LUZP2: variants seen among roughly 807,000 people sequenced by gnomAD.
LUZP2 encodes the protein leucine zipper protein 2.
LUZP2 carries 52 observed loss-of-function variants against 51.6 expected under a neutral mutation model. That is an observed-to-expected ratio of 1.01 (90% CI 0.81 to 1.27). The LOEUF is 1.27. LUZP2 is among the 50% of genes most tolerant of loss of function. The probability of loss-of-function intolerance (pLI) is 0.00; values close to 1 mark genes in which losing one functional copy is unlikely to be tolerated. For synonymous variants in LUZP2, 154 were observed against 137.3 expected (o/e 1.12, Z -0.85); for missense variants, 436 against 395.4 (o/e 1.10, Z -0.87).
intron 1 of LUZP2, among the ~76,000 whole-genome samples, chr11:24,686,224 A>AAG (rs1491460168): frequency 1.0e-4 from 1 of 9,808 alleles, no homozygotes; most frequent in Non-Finnish European, 2.1e-4. Context: ...TGAACTCTGC[A>AAG]AAAAAAAAAA....
intron 7 of LUZP2, among the ~76,000 whole-genome samples, chr11:24,936,667 G>GTT (rs1405342755): frequency 6.6e-6 from 1 of 151,772 alleles, no homozygotes; most frequent in Non-Finnish European, 1.5e-5. Flanking sequence ...AAAGTAATGT[G>GTT]TGTTTTTCCC....
At chr11:24,963,785 A>G (rs537921942) in intron 7 of LUZP2, among the ~76,000 whole-genome samples, 51 of 152,146 alleles carry the variant, frequency 3.4e-4, no homozygotes, top group Middle Eastern at 3.4e-3. Flanking sequence ...ACCTGCGCCC[A>G]CTGTCTGGCA....
At chr11:24,818,096 AAAC>A (rs904047229) in intron 5 of LUZP2, among the ~76,000 whole-genome samples, 4 of 152,016 alleles carry the variant, frequency 2.6e-5, no homozygotes, top group Non-Finnish European at 5.9e-5. Context: ...ATTTTTTTAA[AAAC>A]AACTTTGGTG....
intron 5 of LUZP2, among the ~76,000 whole-genome samples, chr11:24,885,966 T>A (rs905766583): frequency 1.4e-4 from 22 of 152,120 alleles, no homozygotes; most frequent in Non-Finnish European, 5.9e-5. Flanking sequence ...TGCAACCACT[T>A]TAAAATTTAA....
rs541159644 is a variant in LUZP2, at chr11:24,969,930, A to G, written c.523-6661A>G. On this transcript the variant is annotated intron_variant, in intron 7 of 11. Transcript: ENST00000336930. ...CACATGCGCGCGCACACACACACGC[A>G]TACACTTTCTCTTTCTTGAGGAATT... is the stretch of plus-strand genomic sequence containing the variant. Among the ~76,000 whole-genome samples the G allele has an allele frequency of 2.0e-3, 308 of 152,256 alleles. 2 individuals carry two copies. Among genetic ancestry groups the G allele is most frequent in the South Asian group, 7.5e-3 (36 of 4,830 alleles).
chr11:24,990,726 T>C (rs1211853213), intron 9 of LUZP2, among the ~76,000 whole-genome samples: 1 of 152,028 alleles, frequency 6.6e-6, no homozygotes, highest in Non-Finnish European at 1.5e-5. Context: ...TTTAAAAGAC[T>C]CATTCGAGTT....
At chr11:24,966,877 T>A (rs1264611265) in intron 7 of LUZP2, among the ~76,000 whole-genome samples, 1 of 147,714 alleles carries the variant, frequency 6.8e-6, no homozygotes. Context: ...TGTGTGCATG[T>A]GTAAAGTATG....
intron 1 of LUZP2, among the ~76,000 whole-genome samples, chr11:24,728,134 T>A (rs1200202068): frequency 6.6e-6 from 1 of 152,022 alleles, no homozygotes; most frequent in African/African-American, 2.4e-5. Flanking sequence ...TTGAGCCGTT[T>A]TCCCACAATT....
In LUZP2 at chr11:24,689,385, G is replaced by T. The variant is rs148457399; in HGVS notation, c.63-39784G>T. Among the ~76,000 whole-genome samples, 13 of 152,210 alleles carry T rather than the reference G, an allele frequency of 8.5e-5. No homozygotes were observed. The East Asian group carries it at 1.9e-3, about 23-fold the overall frequency. On this transcript the variant is annotated intron_variant, in intron 1 of 11. Transcript: ENST00000336930. ...TACCAATTGAGCATTCTCAGAGAAGGGTCCTATACCCATTAAACTCTGTTA... is the reference window on the plus strand; with the variant it reads ...TACCAATTGAGCATTCTCAGAGAAGTGTCCTATACCCATTAAACTCTGTTA...
chr11:24,773,492 A>G (rs1376290546), intron 5 of LUZP2, among the ~76,000 whole-genome samples: 1 of 152,222 alleles, frequency 6.6e-6, no homozygotes, highest in African/African-American at 2.4e-5. Flanking sequence ...CTAGCTGGAA[A>G]AATAATCATA....
At chr11:25,024,402 C>T (rs368921123) in intron 9 of LUZP2, among the ~76,000 whole-genome samples, 2 of 151,654 alleles carry the variant, frequency 1.3e-5, no homozygotes, top group Admixed American at 6.6e-5. Context: ...AAAACCCCAT[C>T]GTCTCAGCCC....
intron 1 of LUZP2, among the ~76,000 whole-genome samples, chr11:24,659,849 G>T (rs895723959): frequency 2.6e-5 from 4 of 152,100 alleles, no homozygotes; most frequent in Non-Finnish European, 4.4e-5. Flanking sequence ...TGTTCTCCTT[G>T]AATATGAGCA....
rs1438242622 is a variant in LUZP2 at position 24,914,553 on chromosome 11, TCTCTTTTCC to T, written c.522+18_522+26del. The stretch of plus-strand genomic sequence containing the variant: ...TATTATTTAAGGTGAGTCTCTTTTC[TCTCTTTTCC>T]CTGAAACTTGCTAGCTCAATACCTA... On this transcript the variant is annotated intron_variant, in intron 7 of 11. Coordinates refer to ENST00000336930, the MANE Select transcript of LUZP2 (RefSeq NM_001009909.4). The T allele has an allele frequency of 6.4e-7, 1 of 1,570,314 alleles. No homozygotes were observed. Among genetic ancestry groups the T allele is most frequent in the Non-Finnish European group, 8.7e-7 (1 of 1,153,702 alleles).
At chr11:24,769,693 AT>A (rs763755994) in intron 5 of LUZP2, among the ~76,000 whole-genome samples, 180 of 105,672 alleles carry the variant, frequency 1.7e-3, no homozygotes, top group African/African-American at 2.4e-3. Context: ...ATGGTGGTCT[AT>A]TTTTTTTTTT....
At chr11:25,011,775 T>C (rs1856991822) in intron 9 of LUZP2, among the ~76,000 whole-genome samples, 1 of 152,108 alleles carries the variant, frequency 6.6e-6, no homozygotes, top group South Asian at 2.1e-4. Flanking sequence ...GATTGTGTAA[T>C]GATCAAGTCA....
intron 6 of LUZP2, among the ~76,000 whole-genome samples, chr11:24,913,944 T>C (rs889951985): frequency 2.0e-4 from 30 of 152,188 alleles, no homozygotes; most frequent in African/African-American, 7.2e-4. Context: ...AGTATTTTCC[T>C]ATTAGTGATG....
chr11:24,674,464 A>G (rs1386115300), intron 1 of LUZP2, among the ~76,000 whole-genome samples: 1 of 152,228 alleles, frequency 6.6e-6, no homozygotes, highest in Non-Finnish European at 1.5e-5. Context: ...GGAGAATAAC[A>G]ACAACCAATG....
intron 1 of LUZP2, among the ~76,000 whole-genome samples, chr11:24,626,101 T>C (rs191296535): frequency 3.3e-4 from 51 of 152,310 alleles, no homozygotes; most frequent in African/African-American, 1.2e-3. Flanking sequence ...GAGGGTTATT[T>C]TCCTGATAAA....
At chr11:24,867,214 A>T (rs11606732) in intron 5 of LUZP2, among the ~76,000 whole-genome samples, 39,562 of 151,946 alleles carry the variant, frequency 0.26, 5,491 homozygotes, top group African/African-American at 0.35. Flanking sequence ...TTGCATTCTC[A>T]TCTTACGGTA....
Sources: gnomAD v4.1 joint callset for allele counts (sites outside exome capture counted in the v4.1 genomes callset) on GRCh38, gnomAD v4.1.1 for gene constraint, MANE v1.5 for transcripts, NCBI Gene and HGNC (gene_info 2026-07-23, HGNC 2026-07-21) for gene names.